GRAMD4: variants seen among roughly 807,000 people sequenced by gnomAD.
GRAMD4 encodes GRAM domain containing 4.
A neutral mutation model predicts 83.9 loss-of-function variants in GRAMD4; 25 were observed. The ratio of observed to expected loss-of-function variants is 0.30; its 90% CI spans 0.22 to 0.42. The LOEUF (loss-of-function observed/expected upper bound fraction) is 0.42. Among genes scored for constraint, GRAMD4 ranks in the 10% least tolerant of loss-of-function variants. The pLI is 1.00. For missense variants in GRAMD4, 593 were observed against 788.7 expected (o/e 0.75, Z 2.97); for synonymous variants, 336 against 320.9 (o/e 1.05, Z -0.50).
upstream of GRAMD4, among the ~76,000 whole-genome samples, chr22:46,618,213 A>C (rs2081528887): frequency 6.6e-6 from 1 of 152,182 alleles, no homozygotes; most frequent in African/African-American, 2.4e-5. The surrounding 1 kb of genome is among the most constrained non-coding windows in gnomAD (Gnocchi z 5.8). Context: ...GCTCGAGTCC[A>C]CCTGAGCATC....
intron 1 of GRAMD4, among the ~76,000 whole-genome samples, chr22:46,587,726 G>C (rs2081164496): frequency 6.6e-6 from 1 of 152,096 alleles, no homozygotes; most frequent in African/African-American, 2.4e-5. Flanking sequence ...GGGACCCAGA[G>C]GCACTGGCCC....
At chr22:46,669,587 T>G (rs543937636) in intron 13 of GRAMD4, among the ~76,000 whole-genome samples, 1 of 151,732 alleles carries the variant, frequency 6.6e-6, no homozygotes, top group African/African-American at 2.4e-5. Context: ...CTCTTTTTTT[T>G]TTTTTGGAGA....
intron 3 of GRAMD4, among the ~76,000 whole-genome samples, chr22:46,647,448 G>T (rs1274732653): frequency 3.3e-5 from 5 of 152,150 alleles, no homozygotes; most frequent in East Asian, 1.9e-4. Flanking sequence ...CGAGTTCCTG[G>T]CCTGTCCTGT....
chr22:46,625,151 C>T (rs1460545370), intron 1 of GRAMD4, among the ~76,000 whole-genome samples: 2 of 152,190 alleles, frequency 1.3e-5, no homozygotes, highest in African/African-American at 4.8e-5. Context: ...TGAGCCACCG[C>T]GCCCAGCGTC....
At chr22:46,644,369 G>GGGTTACACCTGTCCCTGTTCCA (rs1411080057) in intron 3 of GRAMD4, among the ~76,000 whole-genome samples, 1 of 147,062 alleles carries the variant, frequency 6.8e-6, no homozygotes, top group African/African-American at 2.5e-5. Flanking sequence ...TCCCTGTTCT[G>GGGTTACACCTGTCCCTGTTCCA]GGTTACACCT....
rs138945715 is a variant in GRAMD4 at position 46,627,451 on chromosome 22, C to T, written c.162+490C>T. 7.9e-5 allele frequency among the ~76,000 whole-genome samples: 12 copies of T among 152,368 alleles called. No homozygotes were observed. The East Asian group carries it at 2.3e-3, about 29-fold the overall frequency. ...GGCCAGCTGGGGGGACAGCAAATAC[C>T]CACGGAGCACCTCAGCTAGGCCCTG... On this transcript the variant is annotated intron_variant, in intron 2 of 18. Transcript: ENST00000406902.
intron 3 of GRAMD4, among the ~76,000 whole-genome samples, chr22:46,653,197 G>T (rs1350878985): frequency 6.6e-6 from 1 of 152,254 alleles, no homozygotes; most frequent in Admixed American, 6.5e-5. Flanking sequence ...CACGCTGTCC[G>T]AGGAGCCCTG....
intron 3 of GRAMD4, among the ~76,000 whole-genome samples, chr22:46,657,921 C>T (rs1170159237): frequency 1.3e-5 from 2 of 152,138 alleles, no homozygotes; most frequent in East Asian, 3.8e-4. Context: ...TGAGGAAATT[C>T]ACACCCTTGC....
intron 3 of GRAMD4, among the ~76,000 whole-genome samples, chr22:46,639,508 G>A (rs2081943352): frequency 6.6e-6 from 1 of 151,580 alleles, no homozygotes; most frequent in Non-Finnish European, 1.5e-5. Context: ...GTTTGTGTGT[G>A]AGCGTGTGCA....
At chr22:46,609,555 G>A (rs1474180943) in intron 1 of GRAMD4, among the ~76,000 whole-genome samples, 3 of 152,240 alleles carry the variant, frequency 2.0e-5, no homozygotes, top group Non-Finnish European at 4.4e-5. Flanking sequence ...TTTGCCCAGG[G>A]ACCCAGGAAC....
chr22:46,580,065 A>C (rs1290205690), intron 1 of GRAMD4, among the ~76,000 whole-genome samples: 1 of 152,152 alleles, frequency 6.6e-6, no homozygotes, highest in African/African-American at 2.4e-5. Context: ...CTTTAGGGGT[A>C]AGGAGACTGT....
rs1046057985 is a variant in GRAMD4 at position 46,659,960 on chromosome 22, C to A, written c.405-1421C>A. 3.3e-5 allele frequency among the ~76,000 whole-genome samples: 5 copies of A among 152,206 alleles called. No individual in the cohort carries two copies. The highest frequency in any genetic ancestry group is 4.8e-5 in the African/African-American group (2 of 41,452). On this transcript the variant is annotated intron_variant, in intron 4 of 18. Coordinates refer to ENST00000406902, the MANE Select transcript of GRAMD4 (RefSeq NM_015124.5). This position sits in a 1 kb window ranked among gnomAD's most constrained non-coding sequence, Gnocchi z 4.1. ...GGGAGATCCCAGGGACAGGTGCGGT[C>A]CCCAGGCATTTGGCCACAGTGCCAT...
At chr22:46,588,020 G>A (rs1328009598) in intron 1 of GRAMD4, 1 of 874,846 alleles carries the variant, frequency 1.1e-6, no homozygotes, top group African/African-American at 1.8e-5. Flanking sequence ...AGTGGGTGGT[G>A]TCTACTTGGC....
At chr22:46,638,187 C>T (rs1488184397) in intron 3 of GRAMD4, among the ~76,000 whole-genome samples, 3 of 152,238 alleles carry the variant, frequency 2.0e-5, no homozygotes, top group East Asian at 1.9e-4. Context: ...CCTGCTAAGC[C>T]GGCACTCAAG....
At chr22:46,599,479 C>T (rs757298311) in intron 1 of GRAMD4, among the ~76,000 whole-genome samples, 21 of 152,126 alleles carry the variant, frequency 1.4e-4, no homozygotes, top group East Asian at 3.9e-4. Context: ...CCACCATGCC[C>T]GGCTAATTTT....
chr22:46,662,187 C>T (rs955722789), intron 5 of GRAMD4, among the ~76,000 whole-genome samples: 7 of 152,350 alleles, frequency 4.6e-5, no homozygotes, highest in African/African-American at 1.2e-4. Context: ...GGGAAGAAGC[C>T]GCAGGAGCCT....
At chr22:46,594,755 C>T (rs1366450430) in intron 1 of GRAMD4, among the ~76,000 whole-genome samples, 1 of 151,324 alleles carries the variant, frequency 6.6e-6, no homozygotes, top group Non-Finnish European at 1.5e-5. Flanking sequence ...GGTGGCATCT[C>T]CTAGGAGGGA....
chr22:46,670,211 T>C (rs2082481419), intron 13 of GRAMD4, among the ~76,000 whole-genome samples: 1 of 152,242 alleles, frequency 6.6e-6, no homozygotes, highest in Non-Finnish European at 1.5e-5. Flanking sequence ...CCACGTTTCC[T>C]GAATGCCTTT....
chr22:46,634,444 C>T (rs576125513), intron 2 of GRAMD4, among the ~76,000 whole-genome samples: 8 of 152,264 alleles, frequency 5.3e-5, no homozygotes, highest in Admixed American at 6.5e-5. Flanking sequence ...GCAGACTCAG[C>T]GAAGGGGCAG....
Sources: gnomAD v4.1 joint callset for allele counts (sites outside exome capture counted in the v4.1 genomes callset) on GRCh38, gnomAD v4.1.1 for gene constraint, Gnocchi (gnomAD v3.1) non-coding constraint, MANE v1.5 for transcripts, NCBI Gene and HGNC (gene_info 2026-07-23, HGNC 2026-07-21) for gene names.